Variants in NUP214 observed in about 807,000 individuals in gnomAD.
NUP214 encodes nucleoporin 214, also known as nuclear pore complex protein Nup214.
Under a neutral mutation model 196.2 loss-of-function variants are expected in NUP214, and 79 were observed. The ratio of observed to expected loss-of-function variants is 0.40; its 90% CI spans 0.34 to 0.49. The LOEUF is 0.49. Among genes scored for constraint, NUP214 ranks in the 20% least tolerant of loss-of-function variants. The pLI is 0.58. For synonymous variants in NUP214, 1,020 were observed against 990.5 expected (o/e 1.03, Z -0.56); for missense variants, 2,468 against 2,539.0 (o/e 0.97, Z 0.60).
Position 131,196,025 on chromosome 9 carries a change from T to TCCCTC in NUP214, c.3721+734_3721+735insTCCCC, listed in dbSNP as rs1554737949. Among the ~76,000 whole-genome samples, 6 of 3,668 alleles carry TCCCTC rather than the reference T, an allele frequency of 1.6e-3. 2 individuals carry two copies. The highest frequency in any genetic ancestry group is 2.0e-3 in the African/African-American group (3 of 1,510). The allele number at this position is 3,668 out of a possible 152,430, so 2.4% of individuals were successfully genotyped here. A position where few individuals can be genotyped will look rare whatever the true frequency, so the allele number is the denominator to read the frequency against. On this transcript the variant is annotated intron_variant, in intron 28 of 35. Transcript: ENST00000359428. ...GGCAACAAGAGTGAAACTCTGTGTG[T>TCCCTC]CCCCCCCCCCCCCCGCGCCAAAAAA...
chr9:131,200,190 G>A (rs894694120), intron 29 of NUP214, among the ~76,000 whole-genome samples: 2 of 152,342 alleles, frequency 1.3e-5, no homozygotes, highest in South Asian at 4.1e-4. Context: ...CTTTCATTTA[G>A]TATCTGTGCG....
intron 8 of NUP214, 48 bp downstream of exon 8, chr9:131,135,052 A>C (rs371022847): frequency 6.4e-6 from 8 of 1,252,840 alleles, no homozygotes; most frequent in Non-Finnish European, 8.2e-6. Context: ...CTGGAAGATC[A>C]CACCTGAGTC....
In NUP214 at chr9:131,197,525, A is replaced by G; in HGVS notation, c.4031A>G (p.Asp1344Gly). Residue 1344 changes from aspartate to glycine, a missense_variant, in exon 29 of 36, where the codon GAT (aspartate) becomes GGT (glycine). By Grantham distance (94) the Asp-to-Gly change is moderately conservative (BLOSUM62 -1). Transcript: ENST00000359428. Reference protein sequence around the residue: ...FSGLRVGQADDSTKPTNKASS... With the variant: ...FSGLRVGQADGSTKPTNKASS... ...GGACTGCGGGTTGGCCAAGCAGATG[A>G]TTCTACAAAACCAACCAATAAGGCT... 2 of 1,614,146 alleles carry G rather than the reference A, an allele frequency of 1.2e-6. No individual in the cohort carries two copies. The highest frequency in any genetic ancestry group is 1.1e-5 in the South Asian group (1 of 91,078).
chr9:131,207,389 G>C (rs1338374429), intron 30 of NUP214, among the ~76,000 whole-genome samples: 1 of 152,218 alleles, frequency 6.6e-6, no homozygotes, highest in East Asian at 1.9e-4. Flanking sequence ...GGCTCACTCT[G>C]ATGTCAGTGG....
chr9:131,229,979 C>G (rs115966891), intron 33 of NUP214: 306 of 338,622 alleles, frequency 9.0e-4, no homozygotes, highest in African/African-American at 6.3e-3. Flanking sequence ...CCAACCCAGC[C>G]GAGTTCCTCT....
chr9:131,152,305 T>G (rs78893149), intron 17 of NUP214, among the ~76,000 whole-genome samples: 2 of 151,934 alleles, frequency 1.3e-5, no homozygotes, highest in Admixed American at 6.6e-5. Flanking sequence ...TTTGGAGAGA[T>G]AAGGTGTTAC....
intron 5 of NUP214, among the ~76,000 whole-genome samples, chr9:131,132,351 T>G (rs2133453059): frequency 6.6e-6 from 1 of 152,092 alleles, no homozygotes; most frequent in East Asian, 1.9e-4. Context: ...TGACCTCAGG[T>G]GATCCACCTG....
At chr9:131,230,577 G>A (rs923815991) in intron 33 of NUP214, 53 bp from the exon 34 acceptor site, 13 of 1,607,904 alleles carry the variant, frequency 8.1e-6, no homozygotes, top group East Asian at 2.2e-5. Flanking sequence ...CTTGCAGATG[G>A]GCAAGTGGTG....
At chr9:131,211,986 C>A (rs1267107273) in intron 30 of NUP214, among the ~76,000 whole-genome samples, 1 of 152,190 alleles carries the variant, frequency 6.6e-6, no homozygotes, top group African/African-American at 2.4e-5. Flanking sequence ...TCTCTTCTTA[C>A]AAAACCGAAT....
At chr9:131,229,202 A>G (rs1834803746) in intron 33 of NUP214, 2 of 153,808 alleles carry the variant, frequency 1.3e-5, no homozygotes, top group Admixed American at 6.4e-5. Flanking sequence ...TTGAAAATAA[A>G]CTATAGTATG....
chr9:131,190,284 C>T (rs1833562489), intron 26 of NUP214: 2 of 530,136 alleles, frequency 3.8e-6, no homozygotes, highest in East Asian at 6.4e-5. Flanking sequence ...AGATCATATA[C>T]TCTTTTTTCA....
chr9:131,165,457 C>T (rs1274514128), intron 21 of NUP214, among the ~76,000 whole-genome samples: 1 of 151,998 alleles, frequency 6.6e-6, no homozygotes, highest in Admixed American at 6.6e-5. Flanking sequence ...TGAGCCCTTA[C>T]TATTAAACAA....
intron 3 of NUP214, 145 bp from the exon 4 acceptor site, chr9:131,129,134 C>A: frequency 1.4e-6 from 1 of 691,858 alleles, no homozygotes; most frequent in Non-Finnish European, 2.4e-6. Context: ...TAGATTGATG[C>A]ATAAAACAAT....
In NUP214 at chr9:131,163,193, T is replaced by C; in HGVS notation, c.2723+20T>C. ...TCACAGGTGTGGAGAGGACTTGCAC[T>C]CAATAAATATGGGTGAATGAATGCA... is the stretch of plus-strand genomic sequence containing the variant. On this transcript the variant is annotated intron_variant, in intron 19 of 35. Transcript: ENST00000359428. 2 of 1,591,696 alleles carry C rather than the reference T, an allele frequency of 1.3e-6. No homozygotes were observed. The highest frequency in any genetic ancestry group is 1.7e-6 in the Non-Finnish European group (2 of 1,171,482).
At chr9:131,214,263 T>C (rs1259553337) in intron 30 of NUP214, among the ~76,000 whole-genome samples, 6 of 152,228 alleles carry the variant, frequency 3.9e-5, no homozygotes, top group Admixed American at 3.9e-4. Flanking sequence ...TTTTGGTTCA[T>C]TGTGGTTAAA....
At position 131,133,014 on chromosome 9, in the gene NUP214, T is replaced by C. The variant is rs548383740; in HGVS notation, c.728-92T>C. The C allele has an allele frequency of 2.4e-4, 227 of 930,666 alleles. 2 individuals are homozygous for C. In the South Asian group the frequency reaches 3.1e-3, roughly 13 times the overall value. The allele number at this position is 930,666 out of a possible 1,614,324, so 57.7% of individuals were successfully genotyped here. A position where few individuals can be genotyped will look rare whatever the true frequency, so the allele number is the denominator to read the frequency against. Reference sequence around the variant, plus strand: ...AAATCAGGGCCTTTGATTTTTTTTTTATCCATAGTGGCTATTCCAAACATA... The same window carrying C: ...AAATCAGGGCCTTTGATTTTTTTTTCATCCATAGTGGCTATTCCAAACATA... On this transcript the variant is annotated intron_variant, in intron 6 of 35. Coordinates refer to ENST00000359428, the MANE Select transcript of NUP214 (RefSeq NM_005085.4).
Position 131,198,582 on chromosome 9 carries a change from A to G in NUP214, c.5088A>G (p.Thr1696=), listed in dbSNP as rs777910306. 1 of 1,614,114 alleles carries G rather than the reference A, an allele frequency of 6.2e-7. No individual in the cohort carries two copies. The highest frequency in any genetic ancestry group is 1.3e-5 in the African/African-American group (1 of 74,940). Residue 1696 remains threonine (T), a synonymous_variant, in exon 29 of 36, where the codon ACA becomes ACG. Coordinates refer to ENST00000359428, the MANE Select transcript of NUP214 (RefSeq NM_005085.4). ...FGQQTGSTAS[T]AAATPQVSSS... ...AGCAGACTGGTAGCACAGCCAGCAC[A>G]GCAGCTGCCACACCACAGGTCAGCA...
intron 30 of NUP214, among the ~76,000 whole-genome samples, chr9:131,213,751 C>CTGTTGTTGTTTTGTTGT (rs147112479): frequency 6.1e-5 from 9 of 147,646 alleles, no homozygotes; most frequent in African/African-American, 2.3e-4. Flanking sequence ...TGAATTGGTA[C>CTGTTGTTGTTTTGTTGT]TGTTGTTGTT....
intron 18 of NUP214, among the ~76,000 whole-genome samples, chr9:131,161,390 C>T (rs1364712223): frequency 1.3e-5 from 2 of 151,820 alleles, no homozygotes; most frequent in African/African-American, 4.8e-5. Context: ...CCTTGAGTAG[C>T]TGGGATTACA....
Sources: allele counts gnomAD v4.1 joint callset (sites outside exome capture counted in the v4.1 genomes callset), GRCh38; gene constraint gnomAD v4.1.1; transcripts MANE v1.5; gene names NCBI Gene and HGNC (gene_info 2026-07-23, HGNC 2026-07-21).